Variants in ZNF716 observed in about 807,000 individuals in gnomAD.
The protein encoded by ZNF716 is zinc finger protein 716.
Under a neutral mutation model 13.4 loss-of-function variants are expected in ZNF716, and 9 were observed. The ratio of observed to expected loss-of-function variants is 0.67; its 90% CI spans 0.41 to 1.18. The LOEUF (loss-of-function observed/expected upper bound fraction) is 1.18. Among genes scored for constraint, ZNF716 ranks in the 50% most tolerant of loss-of-function variants. The pLI is 0.01. For synonymous variants in ZNF716, 186 were observed against 195.2 expected, an observed-to-expected ratio of 0.95 and a Z score of 0.39; for missense variants, 581 against 576.6, an observed-to-expected ratio of 1.01 and a Z score of -0.08.
intron 1 of ZNF716, among the ~76,000 whole-genome samples, chr7:57,459,002 C>T (rs1789655413): frequency 6.6e-6 from 1 of 151,970 alleles, no homozygotes; most frequent in Non-Finnish European, 1.5e-5. Context: ...TAATTAGTTT[C>T]AAAATTTTTT....
intron 1 of ZNF716, among the ~76,000 whole-genome samples, chr7:57,454,214 A>G (rs538839698): frequency 9.4e-4 from 143 of 152,294 alleles, no homozygotes; most frequent in African/African-American, 3.4e-3. Context: ...CATATTACTA[A>G]TGTTTACTGA....
intron 1 of ZNF716, among the ~76,000 whole-genome samples, chr7:57,457,976 A>G (rs1554322348): frequency 6.6e-6 from 1 of 152,190 alleles, no homozygotes; most frequent in African/African-American, 2.4e-5. Context: ...GTTGCTGCAA[A>G]TGACATGATG....
chr7:57,471,547 G>A lies in ZNF716; in HGVS notation c.*1598G>A, dbSNP rs1198233485. On this transcript the variant is annotated 3_prime_UTR_variant, in exon 4 of 4. Transcript: ENST00000420713. ...AGAGGATTGTGTAGTACCTTTATTT[G>A]TATTACGGATTTTATTGTACACATT... 1 of 151,970 alleles carries A rather than the reference G, an allele frequency of 6.6e-6. No individual in the cohort carries two copies. The highest frequency in any genetic ancestry group is 1.5e-5 in the Non-Finnish European group (1 of 68,000). The allele number at this position is 151,970 out of a possible 1,614,324, so 9.4% of individuals were successfully genotyped here. A position where few individuals can be genotyped will look rare whatever the true frequency, so the allele number is the denominator to read the frequency against.
At chr7:57,456,044 C>T (rs1235172275) in intron 1 of ZNF716, among the ~76,000 whole-genome samples, 1 of 151,988 alleles carries the variant, frequency 6.6e-6, no homozygotes, top group Non-Finnish European at 1.5e-5. Context: ...CAACCTTCGC[C>T]TCCCAGGTTC....
At chr7:57,464,717 T>TA (rs1480688355) in intron 3 of ZNF716, among the ~76,000 whole-genome samples, 1 of 152,064 alleles carries the variant, frequency 6.6e-6, no homozygotes, top group Middle Eastern at 3.2e-3. Flanking sequence ...TTCGTTACTT[T>TA]TTTTTCAGTC....
chr7:57,469,140 A>T lies in ZNF716; in HGVS notation c.679A>T (p.Thr227Ser). ...TGGCAAATCCTTTAACTGCTCTTCA[A>T]CCCTTACTAGACATAAAAGAATTCA... ...ECGKSFNCSS[T>S]LTRHKRIHTG... The change falls in exon 4 of 4, where the codon ACC (threonine) becomes TCC (serine). Residue 227 changes from threonine (T) to serine (S), a missense_variant. Physicochemically the swap from Thr to Ser is moderately conservative, Grantham distance 58. Transcript: ENST00000420713. The T allele has an allele frequency of 1.2e-6, 2 of 1,610,946 alleles. No homozygotes were observed. The highest frequency in any genetic ancestry group is 1.7e-6 in the Non-Finnish European group (2 of 1,178,402).
Position 57,463,119 on chromosome 7 carries a change from T to G in ZNF716, c.213T>G (p.Asn71Lys). 1 of 1,610,224 alleles carries G rather than the reference T, an allele frequency of 6.2e-7. No individual in the cohort carries two copies. Among genetic ancestry groups the G allele is most frequent in the Non-Finnish European group, 8.5e-7 (1 of 1,179,936 alleles). ...ACTTGATCACCTGTCTGGAGCAAAATAAAGAGCCCCAGAATATAAAGAGAA... is the reference window on the plus strand; with the variant it reads ...ACTTGATCACCTGTCTGGAGCAAAAGAAAGAGCCCCAGAATATAAAGAGAA... Reference protein sequence around the residue: ...KPDLITCLEQNKEPQNIKRNE... With the variant: ...KPDLITCLEQKKEPQNIKRNE... The change falls in exon 3 of 4, where the codon AAT becomes AAG. Residue 71 changes from asparagine (N) to lysine (K), a missense_variant. Coordinates refer to ENST00000420713, the MANE Select transcript of ZNF716 (RefSeq NM_001159279.1).
At chr7:57,468,373 T>C (rs1344885307) in intron 3 of ZNF716, among the ~76,000 whole-genome samples, 2 of 152,152 alleles carry the variant, frequency 1.3e-5, no homozygotes, top group African/African-American at 4.8e-5. Context: ...GGTGCCAATA[T>C]TTTTCTTTTG....
At chr7:57,461,724 A>T (rs1370925618) in intron 1 of ZNF716, among the ~76,000 whole-genome samples, 1 of 152,186 alleles carries the variant, frequency 6.6e-6, no homozygotes, top group Non-Finnish European at 1.5e-5. Context: ...TCTATCCCAA[A>T]TCTCCTGAAA....
intron 3 of ZNF716, among the ~76,000 whole-genome samples, chr7:57,465,143 G>A (rs1269883203): frequency 6.6e-6 from 1 of 152,014 alleles, no homozygotes; most frequent in Non-Finnish European, 1.5e-5. Flanking sequence ...TCACCACTGT[G>A]GGTTATCTTA....
chr7:57,467,409 C>G (rs6557581), intron 3 of ZNF716, among the ~76,000 whole-genome samples: 58,342 of 151,852 alleles, frequency 0.38, 11,401 homozygotes, highest in East Asian at 0.51. Flanking sequence ...ACATGCAGTG[C>G]TTATATGCTT....
Position 57,455,449 on chromosome 7 carries a change from T to A in ZNF716, c.39+5122T>A, listed in dbSNP as rs1789568281. Among the ~76,000 whole-genome samples the A allele has an allele frequency of 2.6e-5, 4 of 152,290 alleles. No homozygotes were observed. In the South Asian group the frequency reaches 8.3e-4, roughly 32 times the overall value. On this transcript the variant is annotated intron_variant, in intron 1 of 3. Coordinates refer to ENST00000420713, the MANE Select transcript of ZNF716 (RefSeq NM_001159279.1). ...TGATAAGTAAGAAAATACAAAACCA[T>A]CTAAGTCATAATAGGAAAAAATGTT...
At chr7:57,459,304 C>CTTAATAAACATTTCA (rs371442193) in intron 1 of ZNF716, among the ~76,000 whole-genome samples, 1 of 147,628 alleles carries the variant, frequency 6.8e-6, no homozygotes, top group African/African-American at 2.5e-5. Flanking sequence ...ACAGTACCTG[C>CTTAATAAACATTTCA]TTAGTACATG....
intron 1 of ZNF716, among the ~76,000 whole-genome samples, chr7:57,460,976 TAATTA>T (rs1252735560): frequency 6.6e-6 from 1 of 151,754 alleles, no homozygotes; most frequent in Non-Finnish European, 1.5e-5. Context: ...TTTTTTTTTA[TAATTA>T]AATTTAGGCC....
rs1206115560 is a variant in ZNF716, at chr7:57,451,859, T to C, written c.39+1532T>C. Among the ~76,000 whole-genome samples, 4 of 151,544 alleles carry C rather than the reference T, an allele frequency of 2.6e-5. No individual in the cohort carries two copies. In the East Asian group the frequency reaches 7.8e-4, roughly 30 times the overall value. On this transcript the variant is annotated intron_variant, in intron 1 of 3. Transcript: ENST00000420713. Reference sequence around the variant, plus strand: ...TTGCCTCACTACAACCTCCACCTCCTGGGTTCAAGTGATTCTCCTGCCTCA... The same window carrying C: ...TTGCCTCACTACAACCTCCACCTCCCGGGTTCAAGTGATTCTCCTGCCTCA...
At chr7:57,464,369 G>A (rs1554323716) in intron 3 of ZNF716, among the ~76,000 whole-genome samples, 1 of 151,912 alleles carries the variant, frequency 6.6e-6, no homozygotes, top group Admixed American at 6.6e-5. Flanking sequence ...GATCTGCCCA[G>A]CTCAGCATCC....
In ZNF716 at chr7:57,471,562, T is replaced by C. The variant is rs1317017502; in HGVS notation, c.*1613T>C. Reference sequence around the variant, plus strand: ...ACCTTTATTTGTATTACGGATTTTATTGTACACATTTTATATCAAAGGAAA... The same window carrying C: ...ACCTTTATTTGTATTACGGATTTTACTGTACACATTTTATATCAAAGGAAA... On this transcript the variant is annotated 3_prime_UTR_variant, in exon 4 of 4. Transcript: ENST00000420713. 7 of 152,222 alleles carry C rather than the reference T, an allele frequency of 4.6e-5. No homozygotes were observed. Among genetic ancestry groups the C allele is most frequent in the Admixed American group, 4.6e-4 (7 of 15,272 alleles). 9.4% of individuals were successfully genotyped at this position (152,222 alleles called of 1,614,324 possible). A position where few individuals can be genotyped will look rare whatever the true frequency, so the allele number is the denominator to read the frequency against.
chr7:57,468,809 A>C lies in ZNF716; in HGVS notation c.348A>C (p.Gly116=). ...AAAAAGTGATACTGAGAAGATATGG[A>C]AAATGTGGACAGGAGGATTTACAAG... is the stretch of plus-strand genomic sequence containing the variant. ...SLQKVILRRY[G]KCGQEDLQVK... is the part of the protein sequence containing the mutation. Residue 116 remains glycine, a synonymous_variant, in exon 4 of 4, where the codon GGA becomes GGC. Transcript: ENST00000420713. The C allele has an allele frequency of 6.2e-7, 1 of 1,613,762 alleles. No individual in the cohort carries two copies. Among genetic ancestry groups the C allele is most frequent in the South Asian group, 1.1e-5 (1 of 91,070 alleles).
At chr7:57,464,764 A>G (rs1554323801) in intron 3 of ZNF716, among the ~76,000 whole-genome samples, 1 of 151,984 alleles carries the variant, frequency 6.6e-6, no homozygotes, top group Non-Finnish European at 1.5e-5. Context: ...ATATGATGTA[A>G]TTAAAACATC....
Sources: gnomAD v4.1 joint callset for allele counts (sites outside exome capture counted in the v4.1 genomes callset) on GRCh38, gnomAD v4.1.1 for gene constraint, MANE v1.5 for transcripts, NCBI Gene and HGNC (gene_info 2026-07-23, HGNC 2026-07-21) for gene names.